DLGAP4: variants seen among roughly 807,000 people sequenced by gnomAD.
DLGAP4 encodes the protein DLG associated protein 4.
In DLGAP4, 18 loss-of-function variants were observed where a neutral mutation model predicts 86.9. That is an observed-to-expected ratio of 0.21 (90% CI 0.14 to 0.31). The LOEUF is 0.31. Among genes scored for constraint, DLGAP4 ranks in the 10% least tolerant of loss-of-function variants. DLGAP4 has a pLI of 1.00. For missense variants in DLGAP4, 1,085 were observed against 1,362.6 expected (o/e 0.80, Z 3.21); for synonymous variants, 548 against 574.3 (o/e 0.95, Z 0.65).
At position 36,383,940 on chromosome 20, in the gene DLGAP4, C is replaced by A. The variant is rs181783068; in HGVS notation, c.-73+16665C>A. Among the ~76,000 whole-genome samples the A allele has an allele frequency of 5.4e-5, 8 of 149,168 alleles. No individual in the cohort carries two copies. The East Asian group carries it at 1.4e-3, about 26-fold the overall frequency. On this transcript the variant is annotated intron_variant, in intron 2 of 12. Transcript: ENST00000339266. ...CAGTGAGCCTCATGGCACTCCTTAGCGCCACTGCACTCCGGCCTGGGTGAA... is the reference window on the plus strand; with the variant it reads ...CAGTGAGCCTCATGGCACTCCTTAGAGCCACTGCACTCCGGCCTGGGTGAA...
Position 36,431,623 on chromosome 20 carries a change from C to A in DLGAP4, c.-72-23C>A. On this transcript the variant is annotated intron_variant, in intron 2 of 12. Transcript: ENST00000339266. The surrounding 1 kb of genome is among the most constrained non-coding windows in gnomAD (Gnocchi z 5.1). ...CCGACAATCCAGCTGACCAGCTGAC[C>A]GCTTTCTGTCTTCTCTCCCTAGGAT... 7.1e-7 allele frequency: 1 copy of A among 1,403,826 alleles called. No homozygotes were observed. Among genetic ancestry groups the A allele is most frequent in the Non-Finnish European group, 9.5e-7 (1 of 1,049,264 alleles). The allele number at this position is 1,403,826 out of a possible 1,614,324, so 87.0% of individuals were successfully genotyped here. A position where few individuals can be genotyped will look rare whatever the true frequency, so the allele number is the denominator to read the frequency against.
chr20:36,467,391 A>C (rs925445367), intron 7 of DLGAP4, among the ~76,000 whole-genome samples: 6 of 152,074 alleles, frequency 3.9e-5, no homozygotes, highest in Admixed American at 3.9e-4. Context: ...ATTTAGGGAA[A>C]CAGCAGTATG....
intron 10 of DLGAP4, among the ~76,000 whole-genome samples, chr20:36,510,226 G>T (rs1362585639): frequency 6.6e-6 from 1 of 151,820 alleles, no homozygotes; most frequent in African/African-American, 2.4e-5. Flanking sequence ...TTCCTCTTTT[G>T]GCTGCTTCTA....
rs1352452184 is a variant in DLGAP4, at chr20:36,314,345, T to A, written c.-304+7833T>A. ...CTGTGTGTGTGCGTGTGTGTGTGTGTGTGTGTGTGGTGTGGTGTGTGTGTG... is the reference window on the plus strand; with the variant it reads ...CTGTGTGTGTGCGTGTGTGTGTGTGAGTGTGTGTGGTGTGGTGTGTGTGTG... On this transcript the variant is annotated intron_variant, in intron 1 of 12. Transcript: ENST00000339266. Among the ~76,000 whole-genome samples the A allele has an allele frequency of 1.1e-3, 147 of 134,182 alleles. 7 individuals carry two copies. The highest frequency in any genetic ancestry group is 4.1e-3 in the African/African-American group (137 of 33,806). 88.0% of individuals were successfully genotyped at this position (134,182 alleles called of 152,430 possible). A position where few individuals can be genotyped will look rare whatever the true frequency, so the allele number is the denominator to read the frequency against.
intron 6 of DLGAP4, among the ~76,000 whole-genome samples, chr20:36,444,500 T>A (rs574657345): frequency 6.6e-6 from 1 of 152,100 alleles, no homozygotes; most frequent in South Asian, 2.1e-4. Context: ...GGTCTCAAAC[T>A]CCCGAACACA....
At chr20:36,341,507 C>T (rs782344788) in intron 1 of DLGAP4, among the ~76,000 whole-genome samples, 7 of 152,236 alleles carry the variant, frequency 4.6e-5, no homozygotes, top group Non-Finnish European at 8.8e-5. Flanking sequence ...CAACCACCTC[C>T]GAAAGCCTTT....
intron 2 of DLGAP4, among the ~76,000 whole-genome samples, chr20:36,400,791 G>A (rs182292096): frequency 1.0e-3 from 154 of 152,066 alleles, no homozygotes; most frequent in African/African-American, 3.6e-3. Context: ...CCAGTGACGT[G>A]CCTGGAACAG....
At chr20:36,318,141 C>G in intron 1 of DLGAP4, among the ~76,000 whole-genome samples, 1 of 151,674 alleles carries the variant, frequency 6.6e-6, no homozygotes, top group South Asian at 2.1e-4. Flanking sequence ...CACACACACA[C>G]ACACACACAC....
intron 1 of DLGAP4, among the ~76,000 whole-genome samples, chr20:36,319,330 A>G (rs61181059): frequency 1 from 152,002 of 152,150 alleles, 75,927 homozygotes; most frequent in Non-Finnish European, 1. Context: ...GTCCTCAGAG[A>G]GATAACAGTG....
chr20:36,483,703 G>T (rs990198217), intron 7 of DLGAP4, among the ~76,000 whole-genome samples: 2 of 152,198 alleles, frequency 1.3e-5, no homozygotes, highest in Non-Finnish European at 1.5e-5. Flanking sequence ...AGTGGTTCCG[G>T]TGTTCCTGGT....
At chr20:36,470,121 C>G (rs915664856) in intron 7 of DLGAP4, among the ~76,000 whole-genome samples, 2 of 152,052 alleles carry the variant, frequency 1.3e-5, no homozygotes, top group African/African-American at 4.8e-5. Flanking sequence ...TGCCAGGATC[C>G]CATACTGAGA....
intron 4 of DLGAP4, 122 bp downstream of exon 4, chr20:36,436,472 C>A: frequency 2.1e-6 from 3 of 1,397,250 alleles, no homozygotes; most frequent in East Asian, 2.6e-5. Flanking sequence ...GCCACGCCCC[C>A]TTTGAGCCAC....
At chr20:36,454,579 C>T (rs1279816030) in intron 7 of DLGAP4, among the ~76,000 whole-genome samples, 20 of 152,188 alleles carry the variant, frequency 1.3e-4, no homozygotes, top group Admixed American at 1.3e-3. Context: ...CCTACTGGGT[C>T]ACCCCTGCTC....
At chr20:36,507,634 G>A (rs987203067) in intron 10 of DLGAP4, 1 of 152,242 alleles carries the variant, frequency 6.6e-6, no homozygotes, top group Non-Finnish European at 1.5e-5. Flanking sequence ...TGGGGGAGAG[G>A]AAAGGCATTC....
chr20:36,356,675 TAA>T (rs781791220), intron 1 of DLGAP4, among the ~76,000 whole-genome samples: 93 of 128,492 alleles, frequency 7.2e-4, no homozygotes, highest in Admixed American at 8.7e-4. Context: ...CCTGTTTTTG[TAA>T]AAAAAAAAAA....
At chr20:36,397,317 G>GA (rs1250514525) in intron 2 of DLGAP4, among the ~76,000 whole-genome samples, 1 of 152,180 alleles carries the variant, frequency 6.6e-6, no homozygotes, top group Non-Finnish European at 1.5e-5. Context: ...CACTGACACA[G>GA]AAACGAAATA....
At chr20:36,403,726 G>T (rs908777408) in intron 2 of DLGAP4, among the ~76,000 whole-genome samples, 4 of 152,220 alleles carry the variant, frequency 2.6e-5, no homozygotes, top group African/African-American at 7.2e-5. Context: ...AGTTTCTGTG[G>T]ATCAAGAATT....
At chr20:36,395,869 C>G (rs1305634662) in intron 2 of DLGAP4, among the ~76,000 whole-genome samples, 1 of 152,130 alleles carries the variant, frequency 6.6e-6, no homozygotes, top group East Asian at 1.9e-4. Flanking sequence ...GCTTATGGCC[C>G]TCACCATCAA....
At chr20:36,334,211 AAAC>A (rs1458503630) in intron 1 of DLGAP4, among the ~76,000 whole-genome samples, 3 of 152,192 alleles carry the variant, frequency 2.0e-5, no homozygotes, top group East Asian at 1.9e-4. Flanking sequence ...ACAGTGTGGA[AAAC>A]AACAATTAGG....
Sources: allele counts gnomAD v4.1 joint callset (sites outside exome capture counted in the v4.1 genomes callset), GRCh38; gene constraint gnomAD v4.1.1; non-coding constraint Gnocchi (gnomAD v3.1); transcripts MANE v1.5; gene names NCBI Gene and HGNC (gene_info 2026-07-23, HGNC 2026-07-21).